The following STXBP5L variants were observed in gnomAD, a reference collection of about 807,000 sequenced individuals.
STXBP5L encodes syntaxin-binding protein 5-like.
Under a neutral mutation model 144.5 loss-of-function variants are expected in STXBP5L, and 65 were observed. The observed-to-expected ratio is 0.45, with a 90% CI of 0.37 to 0.55. STXBP5L has a LOEUF of 0.55. Ranked by LOEUF, STXBP5L falls within the 20% of genes least tolerant of loss-of-function variation. The pLI is 0.00. For synonymous variants in STXBP5L, 505 were observed against 469.6 expected, an observed-to-expected ratio of 1.08 and a Z score of -0.97; for missense variants, 1,298 against 1,405.5, an observed-to-expected ratio of 0.92 and a Z score of 1.22.
intron 18 of STXBP5L, among the ~76,000 whole-genome samples, chr3:121,268,371 C>T (rs2050639241): frequency 6.6e-6 from 1 of 152,008 alleles, no homozygotes; most frequent in South Asian, 2.1e-4. Flanking sequence ...CACATGGACA[C>T]AGGGAGGGGA....
chr3:121,214,305 G>A (rs2048694096), intron 10 of STXBP5L, among the ~76,000 whole-genome samples: 1 of 152,106 alleles, frequency 6.6e-6, no homozygotes, highest in African/African-American at 2.4e-5. Flanking sequence ...ATGTTAGGGT[G>A]TCAATTTTAG....
chr3:121,067,727 A>G (rs2041613478), intron 5 of STXBP5L, among the ~76,000 whole-genome samples: 1 of 152,164 alleles, frequency 6.6e-6, no homozygotes, highest in African/African-American at 2.4e-5. Flanking sequence ...CACTATGATT[A>G]TAAATTTTAG....
At chr3:121,041,669 AT>A (rs1385827689) in intron 3 of STXBP5L, 30 bp from the exon 4 acceptor site, 1 of 1,513,636 alleles carries the variant, frequency 6.6e-7, no homozygotes, top group Admixed American at 1.7e-5. Flanking sequence ...GCTAATTAAA[AT>A]GTTAGAATCC....
chr3:121,054,433 C>G (rs1948291234), intron 5 of STXBP5L, among the ~76,000 whole-genome samples: 1 of 151,944 alleles, frequency 6.6e-6, no homozygotes, highest in Non-Finnish European at 1.5e-5. Flanking sequence ...AGTTCATGTC[C>G]TTTGTAGGGA....
chr3:120,962,708 C>T (rs1325186681), intron 3 of STXBP5L, among the ~76,000 whole-genome samples: 3 of 152,168 alleles, frequency 2.0e-5, no homozygotes, highest in Non-Finnish European at 1.5e-5. Context: ...AGTCAGGTAG[C>T]ATGATGGCTC....
At chr3:121,352,302 C>T (rs1435355947) in intron 20 of STXBP5L, among the ~76,000 whole-genome samples, 4 of 152,096 alleles carry the variant, frequency 2.6e-5, no homozygotes, top group African/African-American at 9.7e-5. Flanking sequence ...GATATTGATT[C>T]TTCCTATCCA....
chr3:121,229,884 T>A (rs2049247383), intron 11 of STXBP5L, among the ~76,000 whole-genome samples: 1 of 152,156 alleles, frequency 6.6e-6, no homozygotes, highest in Non-Finnish European at 1.5e-5. Context: ...CAGAAAAACG[T>A]GTTTCCCTAT....
intron 14 of STXBP5L, among the ~76,000 whole-genome samples, chr3:121,247,043 T>G (rs191831753): frequency 6.6e-6 from 1 of 152,320 alleles, no homozygotes; most frequent in Admixed American, 6.5e-5. Context: ...ATTATCAAAC[T>G]GTACACTCCC....
intron 2 of STXBP5L, among the ~76,000 whole-genome samples, chr3:120,941,755 A>C (rs552243075): frequency 6.6e-6 from 1 of 151,898 alleles, no homozygotes; most frequent in South Asian, 2.1e-4. Flanking sequence ...CACTAGGCTC[A>C]GTGAAGGGGG....
intron 6 of STXBP5L, among the ~76,000 whole-genome samples, chr3:121,117,607 A>G (rs1476438602): frequency 6.6e-6 from 1 of 151,866 alleles, no homozygotes; most frequent in Non-Finnish European, 1.5e-5. Context: ...ATATAATTTT[A>G]GTCCATGAAT....
In STXBP5L at chr3:120,951,200, G is replaced by A. The variant is rs1049258438; in HGVS notation, c.190-3740G>A. Among the ~76,000 whole-genome samples, 99 of 151,950 alleles carry A rather than the reference G, an allele frequency of 6.5e-4. 1 individual carries two copies. The highest frequency in any genetic ancestry group is 5.4e-3 in the Admixed American group (82 of 15,208). Reference sequence around the variant, plus strand: ...CATTAGACCTAAAACCATAAAAACCGTAGAAGAAAACCTAGGCATTACCAT... The same window carrying A: ...CATTAGACCTAAAACCATAAAAACCATAGAAGAAAACCTAGGCATTACCAT... On this transcript the variant is annotated intron_variant, in intron 2 of 26. Transcript: ENST00000471454.
intron 9 of STXBP5L, among the ~76,000 whole-genome samples, chr3:121,186,634 G>A (rs191159503): frequency 6.6e-6 from 1 of 152,272 alleles, no homozygotes; most frequent in Admixed American, 6.5e-5. Context: ...TTGCATCCCA[G>A]GGATGAAGCC....
rs538111348 is a variant in STXBP5L at position 121,182,674 on chromosome 3, A to T, written c.878-23249A>T. 2.0e-5 allele frequency among the ~76,000 whole-genome samples: 3 copies of T among 152,306 alleles called. No individual in the cohort carries two copies. In the East Asian group the frequency reaches 5.8e-4, roughly 29 times the overall value. On this transcript the variant is annotated intron_variant, in intron 9 of 26. Coordinates refer to ENST00000471454, the MANE Select transcript of STXBP5L (RefSeq NM_001308330.2). ...TCAGTGCAGAACTAAATGAAATTGA[A>T]ACAAAAAATATGCAAAAGATAAATG...
chr3:120,939,078 T>G (rs1423201944), intron 2 of STXBP5L, among the ~76,000 whole-genome samples: 1 of 152,190 alleles, frequency 6.6e-6, no homozygotes, highest in African/African-American at 2.4e-5. Context: ...TCAGGACTCC[T>G]GGCCTTGATT....
At chr3:120,986,760 C>CA (rs1293025603) in intron 3 of STXBP5L, among the ~76,000 whole-genome samples, 4 of 150,848 alleles carry the variant, frequency 2.7e-5, no homozygotes, top group South Asian at 2.1e-4. Flanking sequence ...AAATAGCAAA[C>CA]AAAAAAATAG....
intron 2 of STXBP5L, among the ~76,000 whole-genome samples, chr3:120,933,600 T>C (rs1420526958): frequency 6.6e-6 from 1 of 152,184 alleles, no homozygotes; most frequent in Non-Finnish European, 1.5e-5. Context: ...AGAAACTTAC[T>C]GCATTGGGTG....
chr3:121,351,897 C>G (rs761891274), intron 20 of STXBP5L, among the ~76,000 whole-genome samples: 3 of 152,128 alleles, frequency 2.0e-5, no homozygotes, highest in African/African-American at 7.2e-5. Flanking sequence ...CAGCTTTTTA[C>G]AGATGGCTAG....
chr3:121,270,907 T>G (rs1270688281), intron 18 of STXBP5L, among the ~76,000 whole-genome samples: 1 of 152,224 alleles, frequency 6.6e-6, no homozygotes, highest in East Asian at 1.9e-4. Flanking sequence ...CTTCTCAGTT[T>G]ATCTTATCAG....
chr3:121,052,440 T>C (rs1948090045), intron 5 of STXBP5L, among the ~76,000 whole-genome samples: 1 of 152,150 alleles, frequency 6.6e-6, no homozygotes, highest in African/African-American at 2.4e-5. Context: ...GCTGGTTCAA[T>C]ATACGCAAAT....
Sources: gnomAD v4.1 joint callset for allele counts (sites outside exome capture counted in the v4.1 genomes callset) on GRCh38, gnomAD v4.1.1 for gene constraint, MANE v1.5 for transcripts, NCBI Gene and HGNC (gene_info 2026-07-23, HGNC 2026-07-21) for gene names.